VPS13D: variants seen among roughly 807,000 people sequenced by gnomAD.
VPS13D encodes vacuolar protein sorting 13 homolog D, also known as intermembrane lipid transfer protein VPS13D.
A neutral mutation model predicts 461.9 loss-of-function variants in VPS13D; 187 were observed. The observed-to-expected ratio is 0.40, with a 90% CI of 0.36 to 0.46. The LOEUF (loss-of-function observed/expected upper bound fraction) is 0.46, where lower values mean the gene tolerates loss of function less well. VPS13D is among the 20% of genes least tolerant of loss of function. VPS13D has a pLI of 0.60. For synonymous variants in VPS13D, 1,951 were observed against 1,986.3 expected (o/e 0.98, Z 0.47); for missense variants, 4,711 against 5,364.9 (o/e 0.88, Z 3.81).
In VPS13D at chr1:12,234,286, C is replaced by T; in HGVS notation, c.20C>T (p.Ala7Val). ...ATAGTCATGTTGGAAGGCCTTGTAGCCTGGGTTCTCAATACCTATTTGGGA... is the reference window on the plus strand; with the variant it reads ...ATAGTCATGTTGGAAGGCCTTGTAGTCTGGGTTCTCAATACCTATTTGGGA... MLEGLV[A>V]WVLNTYLGKY... Residue 7 changes from alanine (A) to valine (V), a missense_variant, in exon 2 of 70, where the codon GCC becomes GTC. Ala to Val is a moderately conservative substitution (Grantham distance 64). Coordinates refer to ENST00000620676, the MANE Select transcript of VPS13D (RefSeq NM_015378.4). 6.2e-7 allele frequency: 1 copy of T among 1,613,960 alleles called. No homozygotes were observed. The highest frequency in any genetic ancestry group is 1.3e-5 in the African/African-American group (1 of 75,056).
At chr1:12,238,016 G>T (rs1020583229) in intron 2 of VPS13D, among the ~76,000 whole-genome samples, 12 of 151,940 alleles carry the variant, frequency 7.9e-5, no homozygotes, top group Non-Finnish European at 1.5e-4. Context: ...GTTAGCGGGG[G>T]TGGTGGCGTG....
intron 49 of VPS13D, 119 bp downstream of exon 49, chr1:12,356,643 C>T: frequency 7.5e-7 from 1 of 1,338,902 alleles, no homozygotes; most frequent in Non-Finnish European, 9.9e-7. Context: ...CCTGACTTGG[C>T]AGGGGAATAG....
At chr1:12,504,572 C>G (rs894271111) in intron 68 of VPS13D, among the ~76,000 whole-genome samples, 19 of 152,210 alleles carry the variant, frequency 1.2e-4, no homozygotes, top group Non-Finnish European at 2.2e-4. Flanking sequence ...ATTACCCTCT[C>G]CATCAGAGAG....
intron 62 of VPS13D, among the ~76,000 whole-genome samples, chr1:12,403,513 A>G (rs1041294516): frequency 2.6e-5 from 4 of 152,254 alleles, no homozygotes; most frequent in Non-Finnish European, 2.9e-5. Context: ...TAACATTGCT[A>G]ACAAATACAC....
intron 67 of VPS13D, chr1:12,478,670 CG>C: frequency 2.5e-6 from 1 of 397,808 alleles, no homozygotes; most frequent in Non-Finnish European, 5.1e-6. Flanking sequence ...GAGGAAGAAA[CG>C]CTGTCTAGAG....
intron 52 of VPS13D, among the ~76,000 whole-genome samples, chr1:12,364,268 A>G (rs943978532): frequency 3.3e-5 from 5 of 152,132 alleles, no homozygotes; most frequent in Non-Finnish European, 5.9e-5. Context: ...TGGTGTCTAT[A>G]AATTTGACTA....
chr1:12,321,507 T>C (rs1643034619), intron 32 of VPS13D, among the ~76,000 whole-genome samples: 1 of 152,188 alleles, frequency 6.6e-6, no homozygotes, highest in Non-Finnish European at 1.5e-5. Context: ...AATAATGGTT[T>C]AGTGAATTTT....
At chr1:12,306,185 C>T (rs965988878) in intron 26 of VPS13D, among the ~76,000 whole-genome samples, 9 of 152,058 alleles carry the variant, frequency 5.9e-5, no homozygotes, top group South Asian at 2.1e-4. Flanking sequence ...GGGGTTTCAC[C>T]GTGTTAGCCA....
chr1:12,392,193 A>G (rs1644435647), intron 60 of VPS13D, among the ~76,000 whole-genome samples: 1 of 152,072 alleles, frequency 6.6e-6, no homozygotes, highest in African/African-American at 2.4e-5. Flanking sequence ...GCCATAAATG[A>G]CTATATTAAG....
intron 47 of VPS13D, 43 bp from the exon 48 acceptor site, chr1:12,355,856 A>G: frequency 6.8e-7 from 1 of 1,461,746 alleles, no homozygotes; most frequent in Non-Finnish European, 9.1e-7. Context: ...TATTTTGACA[A>G]ATAGTGAGAA....
At chr1:12,481,334 TC>T (rs1645713449) in intron 67 of VPS13D, among the ~76,000 whole-genome samples, 1 of 152,152 alleles carries the variant, frequency 6.6e-6, no homozygotes, top group African/African-American at 2.4e-5. Flanking sequence ...GATGGGTCTT[TC>T]CCCTCCGTGC....
chr1:12,285,159 C>G (rs1291860764), intron 21 of VPS13D, among the ~76,000 whole-genome samples: 1 of 152,108 alleles, frequency 6.6e-6, no homozygotes, highest in Non-Finnish European at 1.5e-5. Flanking sequence ...TGAAAAAATT[C>G]AGATACATCA....
At chr1:12,361,243 A>T (rs1643942173) in intron 50 of VPS13D, among the ~76,000 whole-genome samples, 2 of 151,992 alleles carry the variant, frequency 1.3e-5, no homozygotes, top group African/African-American at 4.8e-5. Flanking sequence ...TATTTTTATT[A>T]TTTCTATGAT....
intron 68 of VPS13D, 113 bp from the exon 69 acceptor site, chr1:12,506,740 A>G: frequency 7.3e-7 from 1 of 1,366,392 alleles, no homozygotes; most frequent in Non-Finnish European, 1.0e-6. Context: ...TTTCCCGGCA[A>G]GGGGGCCGGG....
intron 30 of VPS13D, among the ~76,000 whole-genome samples, chr1:12,317,617 C>T (rs1056480327): frequency 6.6e-6 from 1 of 151,888 alleles, no homozygotes; most frequent in Non-Finnish European, 1.5e-5. Context: ...CAGTGGCCCA[C>T]ATCTGTAATC....
At chr1:12,393,743 T>A (rs1362303426) in intron 60 of VPS13D, among the ~76,000 whole-genome samples, 2 of 152,190 alleles carry the variant, frequency 1.3e-5, no homozygotes, top group Non-Finnish European at 2.9e-5. Context: ...ATTTGGCCTT[T>A]CCCACCATAC....
At chr1:12,258,557 T>G (rs1569710231) in intron 10 of VPS13D, among the ~76,000 whole-genome samples, 1 of 152,346 alleles carries the variant, frequency 6.6e-6, no homozygotes, top group Middle Eastern at 3.4e-3. Flanking sequence ...AAGTACGTGG[T>G]GAAGGCAAGC....
At chr1:12,412,542 G>A (rs1279913910) in intron 63 of VPS13D, among the ~76,000 whole-genome samples, 1 of 152,126 alleles carries the variant, frequency 6.6e-6, no homozygotes, top group Non-Finnish European at 1.5e-5. Flanking sequence ...GCCATACTGC[G>A]GTAGTGGAAC....
chr1:12,333,705 C>T (rs533782007), intron 38 of VPS13D, among the ~76,000 whole-genome samples: 12 of 152,320 alleles, frequency 7.9e-5, no homozygotes, highest in Non-Finnish European at 1.5e-4. Context: ...AAGCTATTCA[C>T]GGACTAATTC....
Sources: gnomAD v4.1 joint callset for allele counts (sites outside exome capture counted in the v4.1 genomes callset) on GRCh38, gnomAD v4.1.1 for gene constraint, MANE v1.5 for transcripts, NCBI Gene and HGNC (gene_info 2026-07-23, HGNC 2026-07-21) for gene names.